Variants in PCDHGB1 observed in about 807,000 individuals in gnomAD.
PCDHGB1 encodes the protein protocadherin gamma-B1.
PCDHGB1 carries 34 observed loss-of-function variants against 56.6 expected under a neutral mutation model. The ratio of observed to expected loss-of-function variants is 0.60; its 90% CI spans 0.46 to 0.80. PCDHGB1 has a LOEUF of 0.80. PCDHGB1 is among the 30% of genes least tolerant of loss of function. The probability of loss-of-function intolerance (pLI) is 0.00; values close to 1 mark genes in which losing one functional copy is unlikely to be tolerated. For synonymous variants in PCDHGB1, 561 were observed against 505.9 expected (o/e 1.11, Z -1.46); for missense variants, 1,278 against 1,204.6 (o/e 1.06, Z -0.90).
At chr5:141,470,388 T>C (rs1234907080) in intron 1 of PCDHGB1, among the ~76,000 whole-genome samples, 4 of 152,198 alleles carry the variant, frequency 2.6e-5, no homozygotes, top group African/African-American at 9.6e-5. Flanking sequence ...TACTCGATGA[T>C]ATTTAGGATT....
chr5:141,509,067 C>T (rs987332283), intron 3 of PCDHGB1, among the ~76,000 whole-genome samples: 1 of 152,132 alleles, frequency 6.6e-6, no homozygotes, highest in African/African-American at 2.4e-5. Flanking sequence ...CTCTCAGCTC[C>T]GGGGATTTGC....
chr5:141,395,241 A>T (rs1398967812), intron 1 of PCDHGB1: 1 of 1,571,196 alleles, frequency 6.4e-7, no homozygotes, highest in East Asian at 2.3e-5. Context: ...TGGTCAGGTG[A>T]GTTTAGTTCT....
intron 1 of PCDHGB1, chr5:141,402,863 A>C: frequency 1.2e-5 from 17 of 1,429,924 alleles, no homozygotes; most frequent in Non-Finnish European, 1.6e-5. Flanking sequence ...TCTAAGGAAA[A>C]GATCACCATA....
rs2099637746 is a variant in PCDHGB1, at chr5:141,486,980, A to G, written c.2410-7827A>G. Reference sequence around the variant, plus strand: ...TGCTGTGGACTTGGATTCAGGTTACAATGCTTGGGTTTCCTATCAGCTCCT... The same window carrying G: ...TGCTGTGGACTTGGATTCAGGTTACGATGCTTGGGTTTCCTATCAGCTCCT... On this transcript the variant is annotated intron_variant, in intron 1 of 3. Coordinates refer to ENST00000523390, the MANE Select transcript of PCDHGB1 (RefSeq NM_018922.3). This position sits in a 1 kb window ranked among gnomAD's most constrained non-coding sequence, Gnocchi z 5.0. The G allele has an allele frequency of 1.2e-6, 2 of 1,614,040 alleles. No individual in the cohort carries two copies. The highest frequency in any genetic ancestry group is 1.3e-5 in the African/African-American group (1 of 74,908).
chr5:141,392,977 AC>A (rs1561639344), intron 1 of PCDHGB1: 1 of 1,613,678 alleles, frequency 6.2e-7, no homozygotes, highest in South Asian at 1.1e-5. Flanking sequence ...CTGGGGCTGG[AC>A]CCCCGGAAGC....
intron 3 of PCDHGB1, among the ~76,000 whole-genome samples, chr5:141,505,926 G>A (rs114056147): frequency 0.012 from 1,893 of 152,254 alleles, 12 homozygotes; most frequent in Middle Eastern, 0.034. Context: ...TGGGCCTGGC[G>A]CTTGGAAGCC....
At chr5:141,362,450 C>A (rs766571642) in intron 1 of PCDHGB1, 1 of 1,614,050 alleles carries the variant, frequency 6.2e-7, no homozygotes, top group Non-Finnish European at 8.5e-7. Flanking sequence ...AACATAACCC[C>A]GGAATTGGTT....
chr5:141,379,173 A>G (rs556120661), intron 1 of PCDHGB1: 5 of 152,374 alleles, frequency 3.3e-5, no homozygotes, highest in Non-Finnish European at 1.5e-5. Context: ...CTTCTTAAAG[A>G]TAACATTGAG....
chr5:141,419,566 C>T (rs765992004), intron 1 of PCDHGB1: 4 of 1,611,790 alleles, frequency 2.5e-6, no homozygotes, highest in East Asian at 2.2e-5. Flanking sequence ...CGCTGGGTCC[C>T]GACGGCTCCG....
Position 141,351,130 on chromosome 5 carries a change from C to A in PCDHGB1, c.870C>A (p.Leu290=), listed in dbSNP as rs1758652135. ...NSPISTSLFN[L]NPNTGDITTN... The stretch of plus-strand genomic sequence containing the variant: ...CAATAAGTACCAGCCTCTTCAATCT[C>A]AATCCAAATACTGGCGACATCACAA... Residue 290 remains leucine (L), a synonymous_variant, in exon 1 of 4, where the codon CTC becomes CTA. Coordinates refer to ENST00000523390, the MANE Select transcript of PCDHGB1 (RefSeq NM_018922.3). The A allele has an allele frequency of 1.2e-6, 2 of 1,614,058 alleles. No homozygotes were observed. The highest frequency in any genetic ancestry group is 1.7e-6 in the Non-Finnish European group (2 of 1,179,900).
chr5:141,383,319 A>T, intron 1 of PCDHGB1: 2 of 1,614,020 alleles, frequency 1.2e-6, no homozygotes, highest in Non-Finnish European at 1.7e-6. Context: ...AAATAAATGT[A>T]AAAATAATGG....
chr5:141,400,371 C>A, intron 1 of PCDHGB1: 1 of 1,614,056 alleles, frequency 6.2e-7, no homozygotes, highest in South Asian at 1.1e-5. Flanking sequence ...CTTATTCCTA[C>A]AACCTATGTG....
intron 1 of PCDHGB1, among the ~76,000 whole-genome samples, chr5:141,446,411 G>A (rs778985047): frequency 1.3e-5 from 2 of 152,086 alleles, no homozygotes; most frequent in Non-Finnish European, 2.9e-5. Flanking sequence ...TTGAGTTCCA[G>A]CCATGTTCAT....
chr5:141,472,371 C>G (rs2099278632), intron 1 of PCDHGB1, among the ~76,000 whole-genome samples: 1 of 151,944 alleles, frequency 6.6e-6, no homozygotes, highest in Admixed American at 6.6e-5. Flanking sequence ...GAAACCCCGT[C>G]TCCACTAAAA....
chr5:141,374,469 A>C (rs1770516740), intron 1 of PCDHGB1: 1 of 1,612,580 alleles, frequency 6.2e-7, no homozygotes, highest in Admixed American at 1.7e-5. Context: ...ATTAATGACA[A>C]TACACCCCGA....
In PCDHGB1 at chr5:141,491,225, T is replaced by G. The variant is rs764111440; in HGVS notation, c.2410-3582T>G. The stretch of plus-strand genomic sequence containing the variant: ...CCTTCACTCTCCTCCACAGCCACAG[T>G]GCTGCTGGTTCTGGAGGATGAGGAC... On this transcript the variant is annotated intron_variant, in intron 1 of 3. Transcript: ENST00000523390. This position sits in a 1 kb window ranked among gnomAD's most constrained non-coding sequence, Gnocchi z 6.9. 6.2e-7 allele frequency: 1 copy of G among 1,614,232 alleles called. No individual in the cohort carries two copies. Among genetic ancestry groups the G allele is most frequent in the Non-Finnish European group, 8.5e-7 (1 of 1,180,028 alleles).
chr5:141,360,425 G>A, intron 1 of PCDHGB1: 1 of 1,613,966 alleles, frequency 6.2e-7, no homozygotes, highest in Non-Finnish European at 8.5e-7. Flanking sequence ...CAGATATGCG[G>A]GAAGCAGCCT....
intron 1 of PCDHGB1, chr5:141,375,524 G>A (rs746416710): frequency 1.9e-6 from 3 of 1,613,986 alleles, no homozygotes; most frequent in Middle Eastern, 1.6e-4. Flanking sequence ...GGACCCTGAC[G>A]TGGACCAGAA....
At chr5:141,358,638 T>C (rs1760977216) in intron 1 of PCDHGB1, among the ~76,000 whole-genome samples, 1 of 152,176 alleles carries the variant, frequency 6.6e-6, no homozygotes, top group Non-Finnish European at 1.5e-5. Context: ...CAGTCATATA[T>C]AAGTAGATTC....
Sources: allele counts gnomAD v4.1 joint callset (sites outside exome capture counted in the v4.1 genomes callset), GRCh38; gene constraint gnomAD v4.1.1; non-coding constraint Gnocchi (gnomAD v3.1); transcripts MANE v1.5; gene names NCBI Gene and HGNC (gene_info 2026-07-23, HGNC 2026-07-21).